ATE1: variants seen among roughly 807,000 people sequenced by gnomAD.
ATE1 encodes the protein arginyl-tRNA--protein transferase 1.
Under a neutral mutation model 70.5 loss-of-function variants are expected in ATE1, and 36 were observed. The observed-to-expected ratio is 0.51, with a 90% CI of 0.39 to 0.67. The LOEUF (loss-of-function observed/expected upper bound fraction) is 0.67, where lower values mean the gene tolerates loss of function less well. Ranked by LOEUF, ATE1 falls within the 30% of genes least tolerant of loss-of-function variation. The pLI is 0.00. For synonymous variants in ATE1, 232 were observed against 219.3 expected, an observed-to-expected ratio of 1.06 and a Z score of -0.51; for missense variants, 593 against 629.5, an observed-to-expected ratio of 0.94 and a Z score of 0.62.
intron 10 of ATE1, among the ~76,000 whole-genome samples, chr10:121,794,634 G>A (rs1335182225): frequency 1.5e-3 from 107 of 71,114 alleles, no homozygotes; most frequent in African/African-American, 4.6e-3. Context: ...AAAAAAAAAA[G>A]GAGAAGAGAA....
chr10:121,757,127 T>C lies in ATE1; in HGVS notation c.1379-13269A>G, dbSNP rs1173120903. 4.3e-4 allele frequency among the ~76,000 whole-genome samples: 66 copies of C among 152,142 alleles called. 3 individuals are homozygous for C. The highest frequency in any genetic ancestry group is 4.3e-3 in the Admixed American group (66 of 15,272). On this transcript the variant is annotated intron_variant, in intron 11 of 11. Transcript: ENST00000224652. Reference sequence around the variant, plus strand: ...GATACCCTAAATCACCTCTCTCAAGTTCAAAGTTCCACAAATCTCTAGGGC... The same window carrying C: ...GATACCCTAAATCACCTCTCTCAAGCTCAAAGTTCCACAAATCTCTAGGGC...
chr10:121,891,995 A>G (rs964110575), intron 7 of ATE1, among the ~76,000 whole-genome samples: 2 of 152,180 alleles, frequency 1.3e-5, no homozygotes, highest in African/African-American at 4.8e-5. Flanking sequence ...GCAGAAAGAG[A>G]AGAAATGAAC....
chr10:121,908,106 A>T (rs561817095), intron 5 of ATE1, among the ~76,000 whole-genome samples: 10 of 152,376 alleles, frequency 6.6e-5, no homozygotes, highest in African/African-American at 2.4e-4. Flanking sequence ...TTGCAACAGC[A>T]GTATGTTCAG....
chr10:121,869,700 G>A (rs1027738779), intron 8 of ATE1, among the ~76,000 whole-genome samples: 3 of 152,076 alleles, frequency 2.0e-5, no homozygotes, highest in Non-Finnish European at 2.9e-5. Flanking sequence ...ACAGTTACAG[G>A]AGTAATGAAG....
Position 121,759,593 on chromosome 10 carries a change from G to A in ATE1, c.1379-15735C>T, listed in dbSNP as rs552222571. Among the ~76,000 whole-genome samples the A allele has an allele frequency of 5.1e-4, 78 of 151,964 alleles. 1 individual carries two copies. In the South Asian group the frequency reaches 0.015, roughly 29 times the overall value. The stretch of plus-strand genomic sequence containing the variant: ...AAAAAAATTAGCCAGGTGTGGTGGC[G>A]GGCACCTGTAGTCCCAGCTACTTGG... On this transcript the variant is annotated intron_variant, in intron 11 of 11. Coordinates refer to ENST00000224652, the MANE Select transcript of ATE1 (RefSeq NM_001001976.3).
At chr10:121,754,249 C>T (rs1220386236) in intron 11 of ATE1, among the ~76,000 whole-genome samples, 1 of 152,186 alleles carries the variant, frequency 6.6e-6, no homozygotes, top group Non-Finnish European at 1.5e-5. Flanking sequence ...TTACTCACAT[C>T]TTGTATTCTG....
intron 11 of ATE1, among the ~76,000 whole-genome samples, chr10:121,784,943 C>T (rs1220161770): frequency 6.6e-6 from 1 of 152,024 alleles, no homozygotes; most frequent in Non-Finnish European, 1.5e-5. Context: ...GAAGACTGTC[C>T]ATATTTTCCA....
chr10:121,874,313 C>A (rs529918182), intron 7 of ATE1, among the ~76,000 whole-genome samples: 39 of 152,256 alleles, frequency 2.6e-4, no homozygotes, highest in African/African-American at 9.4e-4. Context: ...TAAGGCAGTG[C>A]AAACTAGGTT....
At chr10:121,826,277 A>T (rs1328415644) in intron 10 of ATE1, among the ~76,000 whole-genome samples, 2 of 151,868 alleles carry the variant, frequency 1.3e-5, no homozygotes, top group East Asian at 3.9e-4. Context: ...GAGGGTAAAC[A>T]TTATGTGTAT....
chr10:121,900,757 C>A (rs151013820), intron 6 of ATE1, among the ~76,000 whole-genome samples: 8 of 152,160 alleles, frequency 5.3e-5, no homozygotes, highest in African/African-American at 1.9e-4. Context: ...GGTAAAAGAT[C>A]TCTATACATC....
chr10:121,809,902 C>CAAAAA (rs377283028), intron 10 of ATE1, among the ~76,000 whole-genome samples: 1 of 141,126 alleles, frequency 7.1e-6, no homozygotes, highest in African/African-American at 2.6e-5. Flanking sequence ...CAAAACAAAA[C>CAAAAA]AAAAAAAAAA....
At chr10:121,820,980 C>T (rs6585761) in intron 10 of ATE1, among the ~76,000 whole-genome samples, 93,024 of 152,070 alleles carry the variant, frequency 0.61, 28,658 homozygotes, top group African/African-American at 0.64. Context: ...CTCGTTCTGT[C>T]GCCCAGGCTG....
intron 11 of ATE1, among the ~76,000 whole-genome samples, chr10:121,773,609 C>T (rs1238820945): frequency 6.6e-6 from 1 of 151,618 alleles, no homozygotes; most frequent in Non-Finnish European, 1.5e-5. Context: ...CCTTTACGAA[C>T]TCTTCTTACA....
intron 10 of ATE1, among the ~76,000 whole-genome samples, chr10:121,795,160 A>G (rs915643489): frequency 3.3e-5 from 5 of 152,138 alleles, no homozygotes; most frequent in African/African-American, 1.2e-4. Flanking sequence ...AGGCACAACA[A>G]TCGCTTGAGC....
At chr10:121,905,781 G>A (rs1415052481) in intron 5 of ATE1, among the ~76,000 whole-genome samples, 2 of 151,950 alleles carry the variant, frequency 1.3e-5, no homozygotes, top group African/African-American at 4.8e-5. Context: ...GGAGGTAGAC[G>A]CTGCAGCAAA....
At chr10:121,821,997 A>C (rs1947817008) in intron 10 of ATE1, among the ~76,000 whole-genome samples, 1 of 152,214 alleles carries the variant, frequency 6.6e-6, no homozygotes, top group Non-Finnish European at 1.5e-5. Flanking sequence ...GGCAATAGTT[A>C]CTAAACCTAA....
At position 121,899,903 on chromosome 10, in the gene ATE1, A is replaced by C. The variant is rs773947063; in HGVS notation, c.905T>G (p.Ile302Ser). Residue 302 changes from isoleucine (I) to serine (S), a missense_variant, in exon 7 of 12, where the codon ATT (isoleucine) becomes AGT (serine). Around this residue, in one of 3 missense-constraint regions of ATE1, gnomAD observed 467 missense variants for 469.6 expected, o/e 0.99. Coordinates refer to ENST00000224652, the MANE Select transcript of ATE1 (RefSeq NM_001001976.3). ...YQVYKRYQMV[I>S]HKNPPDTPTE... ...TGGCGTATCAGGTGGGTTCTTGTGA[A>C]TAACCATCTGGTAACGTTTATAGAC... 1.2e-6 allele frequency: 2 copies of C among 1,613,558 alleles called. No individual in the cohort carries two copies. Among genetic ancestry groups the C allele is most frequent in the Non-Finnish European group, 1.7e-6 (2 of 1,179,608 alleles).
At chr10:121,756,935 C>A (rs2135750544) in intron 11 of ATE1, among the ~76,000 whole-genome samples, 1 of 152,356 alleles carries the variant, frequency 6.6e-6, no homozygotes, top group African/African-American at 2.4e-5. Context: ...CAAATTTCTG[C>A]AAGCAGCTTG....
intron 3 of ATE1, 23 bp from the exon 4 acceptor site, chr10:121,913,916 TAA>T: frequency 6.4e-7 from 1 of 1,568,918 alleles, no homozygotes; most frequent in Non-Finnish European, 8.7e-7. Context: ...AATAAATATT[TAA>T]AAAGTGAACT....
Sources: gnomAD v4.1 joint callset for allele counts (sites outside exome capture counted in the v4.1 genomes callset) on GRCh38, gnomAD v4.1.1 for gene constraint, gnomAD v4.1.1 regional missense constraint, MANE v1.5 for transcripts, NCBI Gene and HGNC (gene_info 2026-07-23, HGNC 2026-07-21) for gene names.